The following ARHGAP39 variants were observed in gnomAD, a reference collection of about 807,000 sequenced individuals.
ARHGAP39 encodes Rho GTPase activating protein 39, also known as rho GTPase-activating protein 39.
Under a neutral mutation model 106.9 loss-of-function variants are expected in ARHGAP39, and 44 were observed. The observed-to-expected ratio is 0.41, with a 90% CI of 0.32 to 0.53. The LOEUF (loss-of-function observed/expected upper bound fraction) is 0.53. ARHGAP39 is among the 20% of genes least tolerant of loss of function. The probability of loss-of-function intolerance (pLI) is 0.21; values close to 1 mark genes in which losing one functional copy is unlikely to be tolerated. For synonymous variants in ARHGAP39, 768 were observed against 693.2 expected (o/e 1.11, Z -1.69); for missense variants, 1,496 against 1,577.3 (o/e 0.95, Z 0.87).
chr8:144,547,245 T>C lies in ARHGAP39; in HGVS notation c.1841A>G (p.Asn614Ser). Residue 614 changes from asparagine (N) to serine (S), a missense_variant, in exon 5 of 12, where the codon AAC becomes AGC. Physicochemically the swap from Asn to Ser is conservative, Grantham distance 46. Transcript: ENST00000377307. The surrounding 1 kb of genome is among the most constrained non-coding windows in gnomAD (Gnocchi z 5.2). ...SEDEALAQQENRHWRRGTFEK... is the reference protein window; with the variant it reads ...SEDEALAQQESRHWRRGTFEK... Reference sequence around the variant, plus strand: ...GAAGGTGCCCCTCCTCCAGTGCCTGTTCTCCTGCTGGGCCAGCGCCTCGTC... The same window carrying C: ...GAAGGTGCCCCTCCTCCAGTGCCTGCTCTCCTGCTGGGCCAGCGCCTCGTC... 6.2e-7 allele frequency: 1 copy of C among 1,612,630 alleles called. No homozygotes were observed. The highest frequency in any genetic ancestry group is 8.5e-7 in the Non-Finnish European group (1 of 1,179,808).
At chr8:144,675,458 G>A (rs747601453) in intron 1 of ARHGAP39, among the ~76,000 whole-genome samples, 33 of 152,282 alleles carry the variant, frequency 2.2e-4, no homozygotes, top group Non-Finnish European at 3.7e-4. Context: ...TGGTGGGCTC[G>A]TGGTCTTGCT....
chr8:144,620,771 C>G (rs1264130194), intron 1 of ARHGAP39, among the ~76,000 whole-genome samples: 1 of 152,254 alleles, frequency 6.6e-6, no homozygotes, highest in African/African-American at 2.4e-5. Context: ...CCACCTGCGT[C>G]TCCAGGACAG....
chr8:144,681,312 AGTCCAGCTCTGCGAGGGAGTCT>A (rs910699837), intron 1 of ARHGAP39, among the ~76,000 whole-genome samples: 19 of 152,296 alleles, frequency 1.2e-4, no homozygotes, highest in African/African-American at 2.9e-4. Context: ...CAGGCAGGGT[AGTCCAGCTCTGCGAGGGAGTCT>A]GTCCAGCTCT....
At chr8:144,619,665 C>T (rs766788398) in intron 1 of ARHGAP39, among the ~76,000 whole-genome samples, 2 of 146,592 alleles carry the variant, frequency 1.4e-5, no homozygotes, top group Admixed American at 1.4e-4. Context: ...AGCCTGTGTA[C>T]CTGAGAGCAC....
At chr8:144,546,092 G>A (rs1164069958) in intron 5 of ARHGAP39, among the ~76,000 whole-genome samples, 1 of 152,202 alleles carries the variant, frequency 6.6e-6, no homozygotes, top group African/African-American at 2.4e-5. Flanking sequence ...GAGGCGGGAG[G>A]AAGGGGAGCA....
At position 144,530,011 on chromosome 8, in the gene ARHGAP39, G is replaced by C. The variant is rs1449863980; in HGVS notation, c.*411C>G. On this transcript the variant is annotated 3_prime_UTR_variant, in exon 12 of 12. Coordinates refer to ENST00000377307, the MANE Select transcript of ARHGAP39 (RefSeq NM_025251.3). Reference sequence around the variant, plus strand: ...GCTGGGAAGAGCTGCAGGCCAGGACGAGGACAGGAGAAAGGGAAGGAGAGA... The same window carrying C: ...GCTGGGAAGAGCTGCAGGCCAGGACCAGGACAGGAGAAAGGGAAGGAGAGA... 1.1e-5 allele frequency: 2 copies of C among 188,080 alleles called. No individual in the cohort carries two copies. Among genetic ancestry groups the C allele is most frequent in the South Asian group, 1.1e-4 (1 of 9,188 alleles). The allele number at this position is 188,080 out of a possible 1,614,324, so 11.7% of individuals were successfully genotyped here. A position where few individuals can be genotyped will look rare whatever the true frequency, so the allele number is the denominator to read the frequency against.
intron 1 of ARHGAP39, among the ~76,000 whole-genome samples, chr8:144,682,193 C>T (rs1420282550): frequency 7.3e-6 from 1 of 136,394 alleles, no homozygotes; most frequent in Admixed American, 8.0e-5. Context: ...TACAGCAAGC[C>T]GAGATCTCGC....
At chr8:144,600,381 C>T (rs1483846051) in intron 2 of ARHGAP39, among the ~76,000 whole-genome samples, 2 of 130,742 alleles carry the variant, frequency 1.5e-5, no homozygotes, top group Admixed American at 7.8e-5. Flanking sequence ...TGGGTACCTA[C>T]CTGCGTGTGT....
In ARHGAP39 at chr8:144,679,375, C is replaced by T. The variant is rs965820584; in HGVS notation, c.-82+6311G>A. 1.3e-5 allele frequency among the ~76,000 whole-genome samples: 2 copies of T among 152,112 alleles called. No individual in the cohort carries two copies. The highest frequency in any genetic ancestry group is 4.8e-5 in the African/African-American group (2 of 41,436). ...TGCCGGAAAAGACACTAGGTTTCTG[C>T]CACTCTCTTGCCATAAAAACAGCAT... On this transcript the variant is annotated intron_variant, in intron 1 of 11. Transcript: ENST00000377307. The surrounding 1 kb of genome is among the most constrained non-coding windows in gnomAD (Gnocchi z 4.7).
chr8:144,543,856 T>G (rs1421097940), intron 6 of ARHGAP39: 1 of 152,164 alleles, frequency 6.6e-6, no homozygotes, highest in East Asian at 1.9e-4. Context: ...TCTGGCTGTC[T>G]TCTGGCCCTC....
At chr8:144,571,595 T>TC in intron 3 of ARHGAP39, among the ~76,000 whole-genome samples, 3 of 152,246 alleles carry the variant, frequency 2.0e-5, no homozygotes, top group African/African-American at 7.2e-5. Flanking sequence ...AAGGATGCCC[T>TC]CTCTCACCAC....
intron 4 of ARHGAP39, among the ~76,000 whole-genome samples, chr8:144,549,512 G>T (rs918800146): frequency 1.2e-4 from 18 of 152,034 alleles, no homozygotes; most frequent in African/African-American, 3.9e-4. Context: ...TTGTTTTTTT[G>T]AGACGGAGTC....
In ARHGAP39 at chr8:144,650,986, T is replaced by C. The variant is rs530665331; in HGVS notation, c.-82+34700A>G. Among the ~76,000 whole-genome samples the C allele has an allele frequency of 1.7e-4, 26 of 152,334 alleles. 1 individual carries two copies. The highest frequency in any genetic ancestry group is 6.3e-4 in the African/African-American group (26 of 41,554). ...CCTGTTTGCAGATGACATGATTGTATATCTAGAAAACCCCATCGTCTCAGC... is the reference window on the plus strand; with the variant it reads ...CCTGTTTGCAGATGACATGATTGTACATCTAGAAAACCCCATCGTCTCAGC... On this transcript the variant is annotated intron_variant, in intron 1 of 11. Transcript: ENST00000377307.
At chr8:144,656,960 G>T (rs1171013850) in intron 1 of ARHGAP39, among the ~76,000 whole-genome samples, 3 of 151,910 alleles carry the variant, frequency 2.0e-5, no homozygotes, top group Non-Finnish European at 4.4e-5. Flanking sequence ...CACTCACGAA[G>T]AAATAGATAA....
In ARHGAP39 at chr8:144,548,324, C is replaced by G. The variant is rs778706828; in HGVS notation, c.762G>C (p.Leu254=). ...RPSGSQHSPS[L]QTFAPEADGT... ...CGTCAGCCTCCGGGGCGAAGGTCTG[C>G]AGGCTGGGTGAGTGCTGGCTGCCGG... Residue 254 remains leucine, a synonymous_variant, in exon 5 of 12, where the codon CTG becomes CTC. Transcript: ENST00000377307. The surrounding 1 kb of genome is among the most constrained non-coding windows in gnomAD (Gnocchi z 7.4). 8 of 1,607,816 alleles carry G rather than the reference C, an allele frequency of 5.0e-6. No homozygotes were observed. In the Admixed American group the frequency reaches 5.0e-5, roughly 10 times the overall value.
In ARHGAP39 at chr8:144,606,653, CGGA is replaced by C. The variant is rs1052465061; in HGVS notation, c.-81-961_-81-959del. Among the ~76,000 whole-genome samples, 7 of 151,636 alleles carry C rather than the reference CGGA, an allele frequency of 4.6e-5. No homozygotes were observed. The South Asian group carries it at 8.4e-4, about 18-fold the overall frequency. On this transcript the variant is annotated intron_variant, in intron 1 of 11. Coordinates refer to ENST00000377307, the MANE Select transcript of ARHGAP39 (RefSeq NM_025251.3). ...GAGGTGACGGTGGAGGAGGTGACTG[CGGA>C]GGAGGAGGAGGAAAGTAAGACATGG... is the stretch of plus-strand genomic sequence containing the variant.
intron 3 of ARHGAP39, among the ~76,000 whole-genome samples, chr8:144,571,038 A>G (rs1818569126): frequency 6.6e-6 from 1 of 152,212 alleles, no homozygotes; most frequent in Admixed American, 6.5e-5. Context: ...TTCACAGCCG[A>G]ATTCTACCAG....
At chr8:144,694,829 C>CA in the ARHGAP39 span, among the ~76,000 whole-genome samples, 2 of 152,108 alleles carry the variant, frequency 1.3e-5, no homozygotes, top group African/African-American at 2.4e-5. Context: ...CTTCTCCTTC[C>CA]ATAAGGAGGG....
chr8:144,612,180 G>A (rs1411347833), intron 1 of ARHGAP39, among the ~76,000 whole-genome samples: 7 of 141,286 alleles, frequency 5.0e-5, no homozygotes, highest in Middle Eastern at 4.0e-3. Flanking sequence ...GGTGAGCCAC[G>A]GCTGCGCCGC....
Sources: gnomAD v4.1 joint callset for allele counts (sites outside exome capture counted in the v4.1 genomes callset) on GRCh38, gnomAD v4.1.1 for gene constraint, Gnocchi (gnomAD v3.1) non-coding constraint, MANE v1.5 for transcripts, NCBI Gene and HGNC (gene_info 2026-07-23, HGNC 2026-07-21) for gene names.